Variants in PIBF1 observed in about 807,000 individuals in gnomAD.
The protein encoded by PIBF1 is progesterone immunomodulatory binding factor 1, also known as progesterone-induced-blocking factor 1.
A neutral mutation model predicts 112.5 loss-of-function variants in PIBF1; 90 were observed. That is an observed-to-expected ratio of 0.80 (90% CI 0.67 to 0.95). The LOEUF is 0.95. PIBF1 is among the 40% of genes least tolerant of loss of function. PIBF1 has a pLI of 0.00. For synonymous variants in PIBF1, 301 were observed against 288.6 expected (o/e 1.04, Z -0.44); for missense variants, 915 against 852.3 (o/e 1.07, Z -0.92).
intron 9 of PIBF1, among the ~76,000 whole-genome samples, chr13:72,853,850 TG>T (rs1328086228): frequency 6.6e-6 from 1 of 152,130 alleles, no homozygotes; most frequent in African/African-American, 2.4e-5. Flanking sequence ...AGAAGGGTGG[TG>T]TGACATAGAG....
rs1356019079 is a variant in PIBF1 at position 72,927,998 on chromosome 13, TATATATAC to T, written c.1731-3159_1731-3152del. 1.2e-3 allele frequency among the ~76,000 whole-genome samples: 61 copies of T among 52,978 alleles called. 1 individual carries two copies. The highest frequency in any genetic ancestry group is 1.4e-3 in the Admixed American group (6 of 4,206). 34.8% of individuals were successfully genotyped at this position (52,978 alleles called of 152,430 possible). On this transcript the variant is annotated intron_variant, in intron 13 of 17. Transcript: ENST00000326291. ...ATATACATATATATATACACACACA[TATATATAC>T]ATATATATACATATATATACATATA...
intron 5 of PIBF1, 87 bp downstream of exon 5, chr13:72,798,113 CAG>C: frequency 7.2e-7 from 1 of 1,383,542 alleles, no homozygotes; most frequent in Admixed American, 2.6e-5. Flanking sequence ...ATATAAAAGT[CAG>C]TGATTGAAAA....
Position 72,827,748 on chromosome 13 carries a change from C to G in PIBF1, c.931C>G (p.Gln311Glu). The change falls in exon 8 of 18, where the codon CAA becomes GAA. Residue 311 changes from glutamine (Q) to glutamate (E), a missense_variant. Transcript: ENST00000326291. ...ELSKEVVTLE[Q>E]TVTLLQKDKE... is the part of the protein sequence containing the mutation. ...ATGTATGTAGGTAGTCACCTTAGAG[C>G]AAACTGTTACTTTACTGCAAAAGGA... is the stretch of plus-strand genomic sequence containing the variant. The G allele has an allele frequency of 1.3e-6, 2 of 1,583,554 alleles. No individual in the cohort carries two copies. The highest frequency in any genetic ancestry group is 1.7e-6 in the Non-Finnish European group (2 of 1,164,600).
chr13:72,968,040 C>T (rs1304737500), intron 15 of PIBF1, among the ~76,000 whole-genome samples: 4 of 151,782 alleles, frequency 2.6e-5, no homozygotes, highest in East Asian at 4.0e-4. Flanking sequence ...AAAAATTAGC[C>T]GGGCGTAGTG....
chr13:72,916,414 A>ATTTTTT (rs1555313939), intron 12 of PIBF1, among the ~76,000 whole-genome samples: 19 of 149,034 alleles, frequency 1.3e-4, no homozygotes, highest in African/African-American at 4.5e-4. Context: ...ATATATATAT[A>ATTTTTT]TTTTTTTAAT....
intron 9 of PIBF1, among the ~76,000 whole-genome samples, chr13:72,851,183 C>G (rs1006524658): frequency 6.6e-6 from 1 of 152,186 alleles, no homozygotes; most frequent in East Asian, 1.9e-4. Flanking sequence ...AAACCCAGAC[C>G]CCTTCCGAGT....
chr13:72,842,086 A>G (rs898936632), intron 9 of PIBF1, among the ~76,000 whole-genome samples: 6 of 152,196 alleles, frequency 3.9e-5, no homozygotes, highest in African/African-American at 1.4e-4. Context: ...CGTAATACAG[A>G]CGTAGAGGGT....
At chr13:72,952,491 A>G (rs2042326677) in intron 14 of PIBF1, among the ~76,000 whole-genome samples, 1 of 151,818 alleles carries the variant, frequency 6.6e-6, no homozygotes, top group African/African-American at 2.4e-5. Flanking sequence ...CCACTGCTGG[A>G]GAGCTGTTGT....
chr13:72,969,847 G>A (rs2042843940), intron 15 of PIBF1: 1 of 152,120 alleles, frequency 6.6e-6, no homozygotes, highest in Non-Finnish European at 1.5e-5. Flanking sequence ...TTGGCATGTA[G>A]GAGAATCTCA....
intron 16 of PIBF1, among the ~76,000 whole-genome samples, chr13:72,997,048 G>A (rs1341517549): frequency 1.3e-5 from 2 of 152,148 alleles, no homozygotes; most frequent in African/African-American, 2.4e-5. Context: ...TTAGGATAAA[G>A]CAAAGATGTG....
chr13:72,887,842 A>G (rs1366094296), intron 10 of PIBF1, among the ~76,000 whole-genome samples: 2 of 152,054 alleles, frequency 1.3e-5, no homozygotes, highest in Non-Finnish European at 2.9e-5. Context: ...AGATATATCC[A>G]TGATTCACGT....
intron 11 of PIBF1, among the ~76,000 whole-genome samples, chr13:72,905,426 T>C (rs1488166275): frequency 1.3e-5 from 2 of 152,094 alleles, no homozygotes; most frequent in Non-Finnish European, 2.9e-5. Context: ...CTCTCCAAGA[T>C]TACACTTCTG....
chr13:72,809,132 CT>C (rs35219701), intron 5 of PIBF1, among the ~76,000 whole-genome samples: 20,485 of 74,754 alleles, frequency 0.27, 2,172 homozygotes, highest in South Asian at 0.44. Context: ...GTATATGTCC[CT>C]TTTTTTTTTT....
chr13:72,838,110 T>A (rs1444823049), intron 9 of PIBF1, among the ~76,000 whole-genome samples: 1 of 152,198 alleles, frequency 6.6e-6, no homozygotes, highest in Non-Finnish European at 1.5e-5. Flanking sequence ...AGTTTTACAT[T>A]TGCACCCTCA....
intron 14 of PIBF1, among the ~76,000 whole-genome samples, chr13:72,944,566 T>C (rs1408828547): frequency 6.6e-6 from 1 of 152,182 alleles, no homozygotes; most frequent in East Asian, 1.9e-4. Context: ...TGCAGAAGTG[T>C]ATTTAATTGC....
intron 6 of PIBF1, among the ~76,000 whole-genome samples, chr13:72,824,032 G>C (rs1593981625): frequency 6.6e-6 from 1 of 151,794 alleles, no homozygotes; most frequent in South Asian, 2.1e-4. Context: ...TCTTTTTTTT[G>C]AGACAGAGTC....
At chr13:72,936,961 C>A (rs552543256) in intron 14 of PIBF1, among the ~76,000 whole-genome samples, 20 of 152,162 alleles carry the variant, frequency 1.3e-4, no homozygotes, top group African/African-American at 4.6e-4. Context: ...TATCTTAATA[C>A]TATTATTTTT....
intron 14 of PIBF1, among the ~76,000 whole-genome samples, chr13:72,933,258 T>C (rs1232353393): frequency 6.6e-6 from 1 of 152,254 alleles, no homozygotes; most frequent in East Asian, 1.9e-4. Context: ...AAATGTGGGC[T>C]GGATGCAGTG....
At chr13:72,901,172 A>G (rs2040470386) in intron 11 of PIBF1, 2 of 325,044 alleles carry the variant, frequency 6.2e-6, no homozygotes, top group Non-Finnish European at 1.2e-5. Flanking sequence ...TATATCTGAC[A>G]AAGGATGAAT....
Sources: gnomAD v4.1 joint callset for allele counts (sites outside exome capture counted in the v4.1 genomes callset) on GRCh38, gnomAD v4.1.1 for gene constraint, MANE v1.5 for transcripts, NCBI Gene and HGNC (gene_info 2026-07-23, HGNC 2026-07-21) for gene names.